NRXN1: variants seen among roughly 807,000 people sequenced by gnomAD.
NRXN1 encodes neurexin-1.
In NRXN1, 39 loss-of-function variants were observed where a neutral mutation model predicts 150.9. The observed-to-expected ratio is 0.26, with a 90% confidence interval of 0.20 to 0.34. The LOEUF is 0.34. Among genes scored for constraint, NRXN1 ranks in the 10% least tolerant of loss-of-function variants. NRXN1 has a pLI of 1.00. For missense variants in NRXN1, 1,815 were observed against 1,949.9 expected (o/e 0.93, Z 1.30); for synonymous variants, 924 against 757.0 (o/e 1.22, Z -3.62).
chr2:50,784,940 C>T (rs1392776881), intron 5 of NRXN1, among the ~76,000 whole-genome samples: 1 of 152,036 alleles, frequency 6.6e-6, no homozygotes, highest in Non-Finnish European at 1.5e-5. Context: ...GTATCCTCCC[C>T]AAAACTCACT....
chr2:51,006,313 C>A (rs1157137889), intron 2 of NRXN1, among the ~76,000 whole-genome samples: 2 of 149,368 alleles, frequency 1.3e-5, no homozygotes, highest in African/African-American at 2.5e-5. Flanking sequence ...CCAAACACAG[C>A]ATGTTCTCAC....
rs984765167 is a variant in NRXN1, at chr2:50,780,187, T to C, written c.832+141682A>G. On this transcript the variant is annotated intron_variant, in intron 5 of 22. Coordinates refer to ENST00000401669, the MANE Select transcript of NRXN1 (RefSeq NM_001330078.2). ...TCTTCTTTTGATAAGTGTCCGTTTA[T>C]ATCCTACACCCACTTTTCTTGTAAA... Among the ~76,000 whole-genome samples the C allele has an allele frequency of 5.3e-5, 8 of 152,354 alleles. 1 individual carries two copies. In the East Asian group the frequency reaches 1.5e-3, roughly 29 times the overall value.
At chr2:50,433,507 A>G (rs543383256) in intron 17 of NRXN1, among the ~76,000 whole-genome samples, 2 of 152,118 alleles carry the variant, frequency 1.3e-5, no homozygotes, top group Admixed American at 1.3e-4. Context: ...ATATTTTCTC[A>G]GTATAAAACA....
intron 22 of NRXN1, among the ~76,000 whole-genome samples, chr2:49,937,668 A>C (rs902776000): frequency 6.6e-6 from 1 of 152,188 alleles, no homozygotes. Flanking sequence ...AGCCTGGTAC[A>C]CAGGAGATGC....
chr2:49,972,365 A>G (rs979328495), intron 21 of NRXN1, among the ~76,000 whole-genome samples: 2 of 152,192 alleles, frequency 1.3e-5, no homozygotes, highest in Non-Finnish European at 2.9e-5. Context: ...ATACTTAAAT[A>G]AAATATTCAA....
At chr2:50,156,000 C>T (rs10210059) in intron 18 of NRXN1, among the ~76,000 whole-genome samples, 15,839 of 151,554 alleles carry the variant, frequency 0.1, 960 homozygotes, top group East Asian at 0.18. Flanking sequence ...AATTCACATG[C>T]AAATAAATAC....
intron 21 of NRXN1, among the ~76,000 whole-genome samples, chr2:50,014,618 A>G (rs1261905071): frequency 6.6e-6 from 1 of 152,150 alleles, no homozygotes; most frequent in African/African-American, 2.4e-5. Context: ...TGTTCTTAAC[A>G]CCACGTTTCA....
intron 5 of NRXN1, among the ~76,000 whole-genome samples, chr2:50,654,126 C>T (rs1477024767): frequency 1.3e-5 from 2 of 148,410 alleles, no homozygotes; most frequent in Non-Finnish European, 3.0e-5. Flanking sequence ...GTGTGCTGCA[C>T]CCATTAACTC....
At chr2:50,662,319 A>T (rs1363841030) in intron 5 of NRXN1, among the ~76,000 whole-genome samples, 1 of 152,042 alleles carries the variant, frequency 6.6e-6, no homozygotes. Context: ...CATCTTGCTC[A>T]ACACATACCC....
intron 17 of NRXN1, among the ~76,000 whole-genome samples, chr2:50,332,970 T>C (rs986377277): frequency 6.6e-6 from 1 of 152,242 alleles, no homozygotes; most frequent in East Asian, 1.9e-4. Flanking sequence ...AGTCAATCGA[T>C]AATACTGGCC....
chr2:50,666,881 GT>G (rs764820472), intron 5 of NRXN1, among the ~76,000 whole-genome samples: 4 of 144,152 alleles, frequency 2.8e-5, no homozygotes, highest in African/African-American at 7.7e-5. Flanking sequence ...TGATGATGAT[GT>G]GTGTGTGTGT....
At chr2:50,525,141 G>C (rs918484449) in intron 12 of NRXN1, among the ~76,000 whole-genome samples, 1 of 152,042 alleles carries the variant, frequency 6.6e-6, no homozygotes, top group Non-Finnish European at 1.5e-5. Context: ...TAATACTATG[G>C]ACCAGGCAAG....
chr2:50,621,228 T>C lies in NRXN1; in HGVS notation c.1156A>G (p.Met386Val). 1 of 1,571,448 alleles carries C rather than the reference T, an allele frequency of 6.4e-7. No homozygotes were observed. Among genetic ancestry groups the C allele is most frequent in the Non-Finnish European group, 8.6e-7 (1 of 1,156,870 alleles). ...ACCGAACAATGTAGTTTGTTTACCA[T>C]AGCGTGTCCAATGCCTGAGTGCTTT... The part of the protein sequence containing the change: ...LRQHSGIGHA[M>V]VTISVDGILT... The change falls in exon 7 of 23, where the codon ATG (methionine) becomes GTG (valine). Residue 386 changes from methionine to valine, a missense_variant and splice_region_variant. This residue lies in a region of NRXN1 where 638 missense variants were observed against 652.6 expected (regional missense o/e 0.98). Coordinates refer to ENST00000401669, the MANE Select transcript of NRXN1 (RefSeq NM_001330078.2).
chr2:50,695,614 AGAAAC>A (rs955831876), intron 5 of NRXN1, among the ~76,000 whole-genome samples: 14 of 152,334 alleles, frequency 9.2e-5, no homozygotes, highest in African/African-American at 2.9e-4. Flanking sequence ...GTACAAAACG[AGAAAC>A]AAAATTTGAG....
intron 19 of NRXN1, among the ~76,000 whole-genome samples, chr2:50,058,940 G>T (rs1397387095): frequency 6.6e-6 from 1 of 152,104 alleles, no homozygotes; most frequent in Non-Finnish European, 1.5e-5. Context: ...AAATTACCCA[G>T]TCTTGGGTAT....
At chr2:50,389,788 A>T (rs1013787952) in intron 17 of NRXN1, among the ~76,000 whole-genome samples, 5 of 152,162 alleles carry the variant, frequency 3.3e-5, no homozygotes, top group Admixed American at 6.5e-5. Context: ...TAGGAGAGTA[A>T]CTGGAATGTA....
intron 5 of NRXN1, among the ~76,000 whole-genome samples, chr2:50,721,161 G>A (rs968309599): frequency 2.0e-5 from 3 of 151,908 alleles, no homozygotes; most frequent in Non-Finnish European, 4.4e-5. Flanking sequence ...GGCTTCCAAG[G>A]ACAGCTCACA....
chr2:50,347,259 G>A lies in NRXN1; in HGVS notation c.3365-110289C>T, dbSNP rs201460709. On this transcript the variant is annotated intron_variant, in intron 17 of 22. Coordinates refer to ENST00000401669, the MANE Select transcript of NRXN1 (RefSeq NM_001330078.2). The surrounding 1 kb of genome is among the most constrained non-coding windows in gnomAD (Gnocchi z 4.9). ...TGCTCCCAGATTTCCAGGGCTCCAG[G>A]TTCTCGAGAGATACTCCCAAAGAGT... The A allele has an allele frequency of 1.5e-4, 195 of 1,316,656 alleles. No homozygotes were observed. Among genetic ancestry groups the A allele is most frequent in the Non-Finnish European group, 1.9e-4 (188 of 1,007,698 alleles). The allele number at this position is 1,316,656 out of a possible 1,614,324, so 81.6% of individuals were successfully genotyped here. A position where few individuals can be genotyped will look rare whatever the true frequency, so the allele number is the denominator to read the frequency against.
intron 5 of NRXN1, among the ~76,000 whole-genome samples, chr2:50,769,841 G>A (rs540713048): frequency 3.5e-4 from 53 of 151,996 alleles, no homozygotes; most frequent in Non-Finnish European, 4.0e-4. Flanking sequence ...TGACAGCCTA[G>A]ACAAAATAAA....
Sources: allele counts gnomAD v4.1 joint callset (sites outside exome capture counted in the v4.1 genomes callset), GRCh38; gene constraint gnomAD v4.1.1; regional missense constraint gnomAD v4.1.1; non-coding constraint Gnocchi (gnomAD v3.1); transcripts MANE v1.5; gene names NCBI Gene and HGNC (gene_info 2026-07-23, HGNC 2026-07-21).